ANKRD6: variants seen among roughly 807,000 people sequenced by gnomAD.
ANKRD6 encodes the protein ankyrin repeat domain 6.
ANKRD6 carries 56 observed loss-of-function variants against 82.3 expected under a neutral mutation model. The ratio of observed to expected loss-of-function variants is 0.68; its 90% CI spans 0.55 to 0.85. The LOEUF is 0.85. Ranked by LOEUF, ANKRD6 falls within the 40% of genes least tolerant of loss-of-function variation. The pLI, the probability that ANKRD6 is intolerant of heterozygous loss-of-function variation, is 0.00. For synonymous variants in ANKRD6, 347 were observed against 352.1 expected, an observed-to-expected ratio of 0.99 and a Z score of 0.16; for missense variants, 852 against 907.6, an observed-to-expected ratio of 0.94 and a Z score of 0.79.
chr6:89,568,791 C>T (rs190877600), intron 2 of ANKRD6, among the ~76,000 whole-genome samples: 5 of 152,090 alleles, frequency 3.3e-5, no homozygotes, highest in Admixed American at 6.5e-5. Context: ...CCTGACCACG[C>T]GGGTACCCTG....
chr6:89,624,149 G>C (rs1447687002), intron 12 of ANKRD6, 92 bp downstream of exon 12: 2 of 1,377,172 alleles, frequency 1.5e-6, no homozygotes, highest in East Asian at 2.5e-5. Context: ...AGGCACTTTA[G>C]GCATTGACTT....
At position 89,446,789 on chromosome 6, in the gene ANKRD6, G is replaced by C. The variant is rs1014012523; in HGVS notation, c.-144+13414G>C. Among the ~76,000 whole-genome samples, 5 of 152,162 alleles carry C rather than the reference G, an allele frequency of 3.3e-5. No homozygotes were observed. The South Asian group carries it at 6.3e-4, about 19-fold the overall frequency. ...TGTCGTGGGAGGGACCTGGTGGAAGGTAATTTAATCATGGGGGCAGTTACC... is the reference window on the plus strand; with the variant it reads ...TGTCGTGGGAGGGACCTGGTGGAAGCTAATTTAATCATGGGGGCAGTTACC... On this transcript the variant is annotated intron_variant, in intron 1 of 15. Transcript: ENST00000339746.
Position 89,537,626 on chromosome 6 carries a change from C to T in ANKRD6, c.-143-29208C>T, listed in dbSNP as rs9451238. Among the ~76,000 whole-genome samples, 664 of 151,246 alleles carry T rather than the reference C, an allele frequency of 4.4e-3. 6 individuals carry two copies. Among genetic ancestry groups the T allele is most frequent in the African/African-American group, 0.015 (639 of 41,334 alleles). ...TATTTTATAATAAAAATTTTAAACA[C>T]ATATAGAAGTAGCAAGATGGCTCAT... On this transcript the variant is annotated intron_variant, in intron 1 of 15. Transcript: ENST00000339746.
chr6:89,593,029 G>A (rs1009748400), intron 2 of ANKRD6, among the ~76,000 whole-genome samples: 13 of 152,142 alleles, frequency 8.5e-5, no homozygotes, highest in African/African-American at 2.9e-4. Flanking sequence ...AGCCAAGATC[G>A]CGCCACTGCA....
chr6:89,443,912 T>A (rs906341949), intron 1 of ANKRD6, among the ~76,000 whole-genome samples: 1 of 152,246 alleles, frequency 6.6e-6, no homozygotes, highest in Non-Finnish European at 1.5e-5. Context: ...TGTGAGCTTA[T>A]CTACAGAGAC....
intron 1 of ANKRD6, among the ~76,000 whole-genome samples, chr6:89,487,815 C>A (rs1212626125): frequency 6.6e-6 from 1 of 151,944 alleles, no homozygotes; most frequent in Non-Finnish European, 1.5e-5. Flanking sequence ...AGTTTAATGT[C>A]TAGACATACT....
intron 1 of ANKRD6, among the ~76,000 whole-genome samples, chr6:89,512,586 G>A (rs1780683275): frequency 6.6e-6 from 1 of 152,194 alleles, no homozygotes; most frequent in Non-Finnish European, 1.5e-5. Flanking sequence ...GGCACAAGGA[G>A]CAGCATCTGT....
intron 5 of ANKRD6, among the ~76,000 whole-genome samples, chr6:89,606,347 G>A (rs1798613632): frequency 1.3e-5 from 2 of 152,322 alleles, no homozygotes; most frequent in Admixed American, 1.3e-4. Context: ...GCCCCTGACT[G>A]CTGCTGGGAA....
chr6:89,492,976 C>T (rs1274385108), intron 1 of ANKRD6, among the ~76,000 whole-genome samples: 3 of 152,194 alleles, frequency 2.0e-5, no homozygotes, highest in African/African-American at 7.2e-5. Flanking sequence ...CACATATACT[C>T]ATGGCTTATG....
At chr6:89,627,375 A>T (rs1261172637) in intron 13 of ANKRD6, among the ~76,000 whole-genome samples, 1 of 152,188 alleles carries the variant, frequency 6.6e-6, no homozygotes, top group African/African-American at 2.4e-5. Flanking sequence ...AAGATTTTTT[A>T]AAAAACGAAA....
intron 1 of ANKRD6, among the ~76,000 whole-genome samples, chr6:89,551,926 C>T (rs979112095): frequency 2.6e-5 from 4 of 152,314 alleles, no homozygotes; most frequent in Admixed American, 2.6e-4. Flanking sequence ...AGTTTCATTT[C>T]TCTTCCTGCG....
chr6:89,632,839 T>C lies in ANKRD6; in HGVS notation c.*1835T>C, dbSNP rs141580958. On this transcript the variant is annotated 3_prime_UTR_variant, in exon 16 of 16. Transcript: ENST00000339746. ...TCAAACAGGATATCACTAACCTCTTTAGAATCATTCCTCAGTATACATCAA... is the reference window on the plus strand; with the variant it reads ...TCAAACAGGATATCACTAACCTCTTCAGAATCATTCCTCAGTATACATCAA... 1.3e-5 allele frequency: 2 copies of C among 152,344 alleles called. No individual in the cohort carries two copies. Among genetic ancestry groups the C allele is most frequent in the African/African-American group, 4.8e-5 (2 of 41,582 alleles). The allele number at this position is 152,344 out of a possible 1,614,324, so 9.4% of individuals were successfully genotyped here.
At chr6:89,434,481 C>T (rs142951975) in intron 1 of ANKRD6, among the ~76,000 whole-genome samples, 1,554 of 152,194 alleles carry the variant, frequency 0.01, 18 homozygotes, top group South Asian at 0.026. Flanking sequence ...GCAGCCTTGG[C>T]GGGGTTTTTG....
At chr6:89,457,340 G>A (rs1462305125) in intron 1 of ANKRD6, among the ~76,000 whole-genome samples, 1 of 152,144 alleles carries the variant, frequency 6.6e-6, no homozygotes, top group Non-Finnish European at 1.5e-5. Context: ...AAACTGTCTT[G>A]GAGACAGACT....
At chr6:89,534,215 A>G (rs371977830) in intron 1 of ANKRD6, among the ~76,000 whole-genome samples, 7 of 152,320 alleles carry the variant, frequency 4.6e-5, no homozygotes, top group Admixed American at 3.3e-4. Flanking sequence ...CTAACTACTC[A>G]GTTGATACCA....
intron 1 of ANKRD6, among the ~76,000 whole-genome samples, chr6:89,538,050 A>C: frequency 6.6e-6 from 1 of 152,196 alleles, no homozygotes; most frequent in East Asian, 1.9e-4. Context: ...CTTCTAAAAA[A>C]ACATAACCAC....
At chr6:89,542,284 C>T (rs200467974) in intron 1 of ANKRD6, among the ~76,000 whole-genome samples, 12 of 152,128 alleles carry the variant, frequency 7.9e-5, no homozygotes, top group African/African-American at 1.9e-4. Flanking sequence ...TCACAACTGA[C>T]GTTACGTACT....
In ANKRD6 at chr6:89,495,291, ATGATTTGGCATGAACCCCATGACTCGGGG is replaced by A. The variant is rs555387681; in HGVS notation, c.-144+61917_-144+61945del. Among the ~76,000 whole-genome samples the A allele has an allele frequency of 3.9e-3, 598 of 152,336 alleles. 3 individuals carry two copies. The highest frequency in any genetic ancestry group is 0.014 in the African/African-American group (564 of 41,586). On this transcript the variant is annotated intron_variant, in intron 1 of 15. Transcript: ENST00000339746. The stretch of plus-strand genomic sequence containing the variant: ...AGAACCAACTGGCTTTTCTAAGGCC[ATGATTTGGCATGAACCCCATGACTCGGGG>A]AGCACTGGTCCAACTTCAGGACTGG...
chr6:89,571,640 G>C (rs1354801167), intron 2 of ANKRD6, among the ~76,000 whole-genome samples: 1 of 152,020 alleles, frequency 6.6e-6, no homozygotes, highest in Admixed American at 6.6e-5. Context: ...TAGATTCACA[G>C]CAAAATTGAG....
Sources: allele counts gnomAD v4.1 joint callset (sites outside exome capture counted in the v4.1 genomes callset), GRCh38; gene constraint gnomAD v4.1.1; transcripts MANE v1.5; gene names NCBI Gene and HGNC (gene_info 2026-07-23, HGNC 2026-07-21).